The following FOXO1 variants were observed in gnomAD, a reference collection of about 807,000 sequenced individuals.
The protein encoded by FOXO1 is forkhead box O1.
FOXO1 carries 6 observed loss-of-function variants against 44.1 expected under a neutral mutation model. The ratio of observed to expected loss-of-function variants is 0.14; its 90% CI spans 0.07 to 0.27. FOXO1 has a LOEUF of 0.27. Ranked by LOEUF, FOXO1 falls within the 10% of genes least tolerant of loss-of-function variation. FOXO1 has a pLI of 1.00. For missense variants in FOXO1, 737 were observed against 888.8 expected (o/e 0.83, Z 2.17); for synonymous variants, 380 against 362.7 (o/e 1.05, Z -0.54).
intron 1 of FOXO1, among the ~76,000 whole-genome samples, chr13:40,592,296 A>T (rs915512816): frequency 1.5e-4 from 23 of 152,180 alleles, no homozygotes; most frequent in Middle Eastern, 3.4e-3. Flanking sequence ...ATCATGATTT[A>T]AAAAAAACAA....
At chr13:40,585,343 GCACACACA>G (rs1555248752) in intron 1 of FOXO1, among the ~76,000 whole-genome samples, 22 of 147,020 alleles carry the variant, frequency 1.5e-4, no homozygotes, top group Admixed American at 2.7e-4. Context: ...CTGCGCGCGC[GCACACACA>G]CACACACACA....
At chr13:40,633,885 T>G (rs755425801) in intron 1 of FOXO1, among the ~76,000 whole-genome samples, 1 of 152,208 alleles carries the variant, frequency 6.6e-6, no homozygotes, top group East Asian at 1.9e-4. Context: ...TATGCTCAAG[T>G]ATAGAAACTC....
chr13:40,595,937 A>ATT (rs1350377083), intron 1 of FOXO1, among the ~76,000 whole-genome samples: 7 of 133,992 alleles, frequency 5.2e-5, no homozygotes, highest in African/African-American at 2.0e-4. Flanking sequence ...AATGTCAGCT[A>ATT]ATTTTTTTTT....
chr13:40,570,321 T>C (rs545657917), intron 1 of FOXO1, among the ~76,000 whole-genome samples: 1 of 148,886 alleles, frequency 6.7e-6, no homozygotes, highest in East Asian at 2.0e-4. Flanking sequence ...AAAAAAAAAA[T>C]AAAATAAAAT....
rs1351169829 is a variant in FOXO1, at chr13:40,558,825, A to G, written c.*224T>C. On this transcript the variant is annotated 3_prime_UTR_variant, in exon 3 of 3. Coordinates refer to ENST00000379561, the MANE Select transcript of FOXO1 (RefSeq NM_002015.4). ...ATTTCCAATGGCACAGTCCTTATCT[A>G]CAGCAGCACATAACCTGCACACATT... 83 of 398,876 alleles carry G rather than the reference A, an allele frequency of 2.1e-4. No individual in the cohort carries two copies. The highest frequency in any genetic ancestry group is 4.4e-6 in the Non-Finnish European group (1 of 226,048). 24.7% of individuals were successfully genotyped at this position (398,876 alleles called of 1,614,324 possible). A position where few individuals can be genotyped will look rare whatever the true frequency, so the allele number is the denominator to read the frequency against.
intron 1 of FOXO1, among the ~76,000 whole-genome samples, chr13:40,567,096 G>A (rs2137832132): frequency 6.6e-6 from 1 of 152,108 alleles, no homozygotes; most frequent in East Asian, 1.9e-4. Context: ...CACTTGACAT[G>A]CATCTAGCCT....
At chr13:40,664,927 C>A (rs1878173442) in intron 1 of FOXO1, among the ~76,000 whole-genome samples, 1 of 151,880 alleles carries the variant, frequency 6.6e-6, no homozygotes, top group East Asian at 1.9e-4. Flanking sequence ...CGCCCCTTCG[C>A]ACGTGTCGGA....
intron 1 of FOXO1, chr13:40,618,636 G>A (rs749822283): frequency 5.5e-5 from 20 of 361,486 alleles, no homozygotes; most frequent in Non-Finnish European, 8.6e-5. Flanking sequence ...GTTGGGAAGA[G>A]ATGGACAGCT....
At chr13:40,612,000 G>A (rs1055958603) in intron 1 of FOXO1, among the ~76,000 whole-genome samples, 1 of 152,118 alleles carries the variant, frequency 6.6e-6, no homozygotes, top group African/African-American at 2.4e-5. Flanking sequence ...TTTGAGCCCA[G>A]GAGGCGGGGG....
intron 1 of FOXO1, among the ~76,000 whole-genome samples, chr13:40,644,886 G>A (rs1388032981): frequency 6.6e-6 from 1 of 152,206 alleles, no homozygotes. Flanking sequence ...TGTGAAGGCA[G>A]CCAACACTAC....
At chr13:40,642,971 A>G (rs1328400293) in intron 1 of FOXO1, among the ~76,000 whole-genome samples, 1 of 152,216 alleles carries the variant, frequency 6.6e-6, no homozygotes, top group Non-Finnish European at 1.5e-5. Flanking sequence ...TCTCTCAAGG[A>G]GGAGAGCCTG....
chr13:40,616,320 C>T (rs1301696926), intron 1 of FOXO1, among the ~76,000 whole-genome samples: 1 of 151,486 alleles, frequency 6.6e-6, no homozygotes, highest in Non-Finnish European at 1.5e-5. Flanking sequence ...CACTGCACAC[C>T]CTGGCACACA....
Position 40,665,901 on chromosome 13 carries a change from C to T in FOXO1, c.312G>A (p.Gly104=). The change falls in exon 1 of 3, where the codon GGG becomes GGA. Residue 104 remains glycine (G), a synonymous_variant. Coordinates refer to ENST00000379561, the MANE Select transcript of FOXO1 (RefSeq NM_002015.4). ...GGCCCTGGAAGTCCCCGCACAGCCC[C>T]CCGGTGGCGGCCGCGGCGGCCGCCG... is the stretch of plus-strand genomic sequence containing the variant. ...VAAAAAAAAT[G]GLCGDFQGPE... 1 of 1,173,666 alleles carries T rather than the reference C, an allele frequency of 8.5e-7. No individual in the cohort carries two copies. The allele number at this position is 1,173,666 out of a possible 1,614,324, so 72.7% of individuals were successfully genotyped here.
rs370075797 is a variant in FOXO1, at chr13:40,666,607, T to G, written c.-395A>C. 352 of 192,680 alleles carry G rather than the reference T, an allele frequency of 1.8e-3. 7 individuals are homozygous for G. The East Asian group carries it at 0.025, about 14-fold the overall frequency. The allele number at this position is 192,680 out of a possible 1,614,324, so 11.9% of individuals were successfully genotyped here. Reference sequence around the variant, plus strand: ...TGAATGTGGCGGCTGCGGCAGCGGCTGCTGCGACTACCAGGCCGCCCGACT... The same window carrying G: ...TGAATGTGGCGGCTGCGGCAGCGGCGGCTGCGACTACCAGGCCGCCCGACT... On this transcript the variant is annotated 5_prime_UTR_variant, in exon 1 of 3. Coordinates refer to ENST00000379561, the MANE Select transcript of FOXO1 (RefSeq NM_002015.4).
rs552598991 is a variant in FOXO1 at position 40,605,368 on chromosome 13, C to CCCAG, written c.631-44512_631-44509dup. ...GATGCTCTGTTACAACACTAAGCAC[C>CCCAG]CCAGCGCTCACAGTTGGTGCTTAAA... On this transcript the variant is annotated intron_variant, in intron 1 of 2. Coordinates refer to ENST00000379561, the MANE Select transcript of FOXO1 (RefSeq NM_002015.4). 2.5e-4 allele frequency among the ~76,000 whole-genome samples: 38 copies of CCCAG among 152,170 alleles called. No homozygotes were observed. The East Asian group carries it at 7.0e-3, about 28-fold the overall frequency.
At chr13:40,665,253 G>A (rs1161896265) in intron 1 of FOXO1, among the ~76,000 whole-genome samples, 3 of 152,124 alleles carry the variant, frequency 2.0e-5, no homozygotes, top group Non-Finnish European at 2.9e-5. Context: ...CGGGCCGGGG[G>A]TTGCCGCTCC....
At chr13:40,597,096 G>A (rs1875608039) in intron 1 of FOXO1, among the ~76,000 whole-genome samples, 1 of 152,216 alleles carries the variant, frequency 6.6e-6, no homozygotes, top group South Asian at 2.1e-4. Flanking sequence ...TGTCAGTTTA[G>A]TATTGATCAC....
Position 40,655,049 on chromosome 13 carries a change from T to C in FOXO1, c.630+10534A>G, listed in dbSNP as rs73469040. Among the ~76,000 whole-genome samples, 172 of 152,186 alleles carry C rather than the reference T, an allele frequency of 1.1e-3. 1 individual carries two copies. The highest frequency in any genetic ancestry group is 4.0e-3 in the African/African-American group (166 of 41,540). The stretch of plus-strand genomic sequence containing the variant: ...TCACTGGATCTACAAACATCAATAG[T>C]GGTCGGCAGGGCGTGGGGGCTCATG... On this transcript the variant is annotated intron_variant, in intron 1 of 2. Coordinates refer to ENST00000379561, the MANE Select transcript of FOXO1 (RefSeq NM_002015.4).
At chr13:40,662,919 A>C (rs1194201785) in intron 1 of FOXO1, among the ~76,000 whole-genome samples, 1 of 152,254 alleles carries the variant, frequency 6.6e-6, no homozygotes, top group Non-Finnish European at 1.5e-5. Flanking sequence ...CTGAGAGTGA[A>C]ACTTGGTTTT....
Sources: gnomAD v4.1 joint callset for allele counts (sites outside exome capture counted in the v4.1 genomes callset) on GRCh38, gnomAD v4.1.1 for gene constraint, MANE v1.5 for transcripts, NCBI Gene and HGNC (gene_info 2026-07-23, HGNC 2026-07-21) for gene names.